The following FBXL17 variants were observed in gnomAD, a reference collection of about 807,000 sequenced individuals.
The protein encoded by FBXL17 is F-box and leucine rich repeat protein 17, also known as F-box/LRR-repeat protein 17.
Under a neutral mutation model 66.2 loss-of-function variants are expected in FBXL17, and 22 were observed. That is an observed-to-expected ratio of 0.33 (90% confidence interval 0.24 to 0.47). The LOEUF is 0.47. Among genes scored for constraint, FBXL17 ranks in the 20% least tolerant of loss-of-function variants. The pLI is 1.00. For missense variants in FBXL17, 878 were observed against 948.2 expected (o/e 0.93, Z 0.97); for synonymous variants, 474 against 400.5 (o/e 1.18, Z -2.19).
At chr5:107,933,371 A>G (rs1206001574) in intron 7 of FBXL17, among the ~76,000 whole-genome samples, 2 of 152,162 alleles carry the variant, frequency 1.3e-5, no homozygotes, top group Non-Finnish European at 2.9e-5. Flanking sequence ...TTTTCTATTT[A>G]CTTATCTTTG....
Position 108,052,562 on chromosome 5 carries a change from T to C in FBXL17, c.1746-31561A>G, listed in dbSNP as rs187210929. On this transcript the variant is annotated intron_variant, in intron 6 of 8. Coordinates refer to ENST00000542267, the MANE Select transcript of FBXL17 (RefSeq NM_001163315.3). The stretch of plus-strand genomic sequence containing the variant: ...GGAAATAAGAGACAATACAAACAAA[T>C]AGAAAAACATTCCATCATCATGAAT... Among the ~76,000 whole-genome samples the C allele has an allele frequency of 1.8e-3, 278 of 152,110 alleles. 1 individual carries two copies. The highest frequency in any genetic ancestry group is 6.5e-3 in the African/African-American group (270 of 41,472).
intron 6 of FBXL17, among the ~76,000 whole-genome samples, chr5:108,081,965 G>A (rs778207114): frequency 3.7e-4 from 56 of 152,108 alleles, no homozygotes; most frequent in Non-Finnish European, 7.5e-4. Flanking sequence ...AAGAAGGAAA[G>A]AGTTAAGCCT....
Position 107,936,723 on chromosome 5 carries a change from G to A in FBXL17, c.1823-55544C>T, listed in dbSNP as rs1464992759. On this transcript the variant is annotated intron_variant, in intron 7 of 8. Coordinates refer to ENST00000542267, the MANE Select transcript of FBXL17 (RefSeq NM_001163315.3). Reference sequence around the variant, plus strand: ...AACATTTCCAAGGGACAAGACATCAGAGCCTCCATTCCTGTTTCATATTGA... The same window carrying A: ...AACATTTCCAAGGGACAAGACATCAAAGCCTCCATTCCTGTTTCATATTGA... 7.9e-5 allele frequency among the ~76,000 whole-genome samples: 12 copies of A among 152,052 alleles called. No homozygotes were observed. In the East Asian group the frequency reaches 2.1e-3, roughly 27 times the overall value.
intron 6 of FBXL17, among the ~76,000 whole-genome samples, chr5:108,078,834 T>C: frequency 6.6e-6 from 1 of 152,200 alleles, no homozygotes. Context: ...TGTACTCCAC[T>C]ACGGGGTTAG....
At chr5:108,136,522 A>G (rs158418) in intron 6 of FBXL17, among the ~76,000 whole-genome samples, 3,223 of 152,284 alleles carry the variant, frequency 0.021, 123 homozygotes, top group African/African-American at 0.073. Context: ...AGCAATATGA[A>G]GCAAAGGACT....
chr5:107,969,906 A>C (rs1752304124), intron 7 of FBXL17, among the ~76,000 whole-genome samples: 1 of 152,222 alleles, frequency 6.6e-6, no homozygotes, highest in Admixed American at 6.5e-5. Flanking sequence ...CTTACAATTC[A>C]GTATTTTGAA....
chr5:107,990,059 T>C (rs1580294349), intron 7 of FBXL17, among the ~76,000 whole-genome samples: 1 of 152,186 alleles, frequency 6.6e-6, no homozygotes, highest in African/African-American at 2.4e-5. Flanking sequence ...GAGCAACATA[T>C]TCTAGGGATG....
chr5:107,946,787 A>C (rs940148369), intron 7 of FBXL17, among the ~76,000 whole-genome samples: 3 of 152,132 alleles, frequency 2.0e-5, no homozygotes, highest in African/African-American at 4.8e-5. Flanking sequence ...AAAAAATAAA[A>C]AGAAATGAGA....
At chr5:108,014,969 T>C (rs1011934847) in intron 7 of FBXL17, among the ~76,000 whole-genome samples, 2 of 151,990 alleles carry the variant, frequency 1.3e-5, no homozygotes, top group Admixed American at 1.3e-4. Context: ...GCCACAACAG[T>C]ATAGGGGAAA....
At chr5:107,873,885 A>G (rs1561512966) in intron 8 of FBXL17, among the ~76,000 whole-genome samples, 1 of 152,204 alleles carries the variant, frequency 6.6e-6, no homozygotes, top group African/African-American at 2.4e-5. Flanking sequence ...TTTGGGGAAC[A>G]GTAGGCTCTC....
intron 6 of FBXL17, among the ~76,000 whole-genome samples, chr5:108,030,041 G>A (rs1020767135): frequency 1.3e-5 from 2 of 152,130 alleles, no homozygotes; most frequent in Admixed American, 6.6e-5. Context: ...GGACTATGTA[G>A]TATACGTGTA....
chr5:107,917,727 C>T (rs1283712998), intron 7 of FBXL17, among the ~76,000 whole-genome samples: 1 of 152,130 alleles, frequency 6.6e-6, no homozygotes, highest in Non-Finnish European at 1.5e-5. Flanking sequence ...TAAAGATGCT[C>T]CCTTTCATAT....
chr5:108,117,941 T>C (rs1157721060), intron 6 of FBXL17, among the ~76,000 whole-genome samples: 1 of 152,124 alleles, frequency 6.6e-6, no homozygotes, highest in African/African-American at 2.4e-5. Context: ...CCTTCAAGTA[T>C]TCTTCTTTGT....
intron 7 of FBXL17, among the ~76,000 whole-genome samples, chr5:108,016,409 T>C (rs987092570): frequency 6.6e-6 from 1 of 152,144 alleles, no homozygotes; most frequent in Admixed American, 6.6e-5. Flanking sequence ...CAGTCCTCTT[T>C]AATTAAAGAT....
At chr5:107,982,929 C>T (rs1485961930) in intron 7 of FBXL17, among the ~76,000 whole-genome samples, 13 of 152,124 alleles carry the variant, frequency 8.5e-5, no homozygotes, top group Admixed American at 8.5e-4. Context: ...GCCATGGGGA[C>T]CACACCTAGA....
intron 7 of FBXL17, among the ~76,000 whole-genome samples, chr5:107,964,234 T>C (rs1030219076): frequency 5.3e-5 from 8 of 152,110 alleles, no homozygotes; most frequent in African/African-American, 1.9e-4. Context: ...GATCACTTTG[T>C]CATATGTGCT....
intron 6 of FBXL17, among the ~76,000 whole-genome samples, chr5:108,149,830 T>G (rs1444844549): frequency 6.6e-6 from 1 of 152,028 alleles, no homozygotes; most frequent in African/African-American, 2.4e-5. Flanking sequence ...CTTTTTACCT[T>G]GATTATTTTT....
intron 7 of FBXL17, among the ~76,000 whole-genome samples, chr5:107,903,949 G>A (rs185507104): frequency 2.0e-5 from 3 of 152,228 alleles, no homozygotes; most frequent in East Asian, 1.9e-4. Flanking sequence ...TTGATTATAC[G>A]ATCCAAGTAC....
intron 6 of FBXL17, 112 bp downstream of exon 6, chr5:108,186,005 G>C (rs1753214641): frequency 1.3e-6 from 1 of 795,986 alleles, no homozygotes; most frequent in Non-Finnish European, 1.9e-6. Flanking sequence ...ATAACAATTT[G>C]AAAAGGCACA....
Sources: gnomAD v4.1 joint callset for allele counts (sites outside exome capture counted in the v4.1 genomes callset) on GRCh38, gnomAD v4.1.1 for gene constraint, MANE v1.5 for transcripts, NCBI Gene and HGNC (gene_info 2026-07-23, HGNC 2026-07-21) for gene names.